The following DNAH5 variants were observed in gnomAD, a reference collection of about 807,000 sequenced individuals.
The protein encoded by DNAH5 is axonemal beta dynein heavy chain 5.
A neutral mutation model predicts 518.2 loss-of-function variants in DNAH5; 372 were observed. The observed-to-expected ratio is 0.72, with a 90% confidence interval of 0.66 to 0.78. The LOEUF (loss-of-function observed/expected upper bound fraction) is 0.78, where lower values mean the gene tolerates loss of function less well. Ranked by LOEUF, DNAH5 falls within the 30% of genes least tolerant of loss-of-function variation. DNAH5 has a pLI of 0.00. For synonymous variants in DNAH5, 2,039 were observed against 2,025.9 expected, an observed-to-expected ratio of 1.01 and a Z score of -0.17; for missense variants, 5,523 against 5,687.0, an observed-to-expected ratio of 0.97 and a Z score of 0.93.
chr5:13,847,270 C>T (rs1316728654), intron 31 of DNAH5, among the ~76,000 whole-genome samples: 1 of 151,664 alleles, frequency 6.6e-6, no homozygotes, highest in African/African-American at 2.4e-5. Context: ...TTGCTTATAA[C>T]CTCTTCTGGG....
intron 55 of DNAH5, among the ~76,000 whole-genome samples, chr5:13,772,078 C>T (rs753506507): frequency 9.9e-5 from 15 of 152,142 alleles, no homozygotes; most frequent in Admixed American, 5.2e-4. Flanking sequence ...CCAACCAGTA[C>T]AAAGAACGGT....
At chr5:13,804,891 C>T (rs1759338310) in intron 47 of DNAH5, among the ~76,000 whole-genome samples, 1 of 152,106 alleles carries the variant, frequency 6.6e-6, no homozygotes, top group South Asian at 2.1e-4. Context: ...GAAACGAGTA[C>T]ATATTTCATG....
chr5:13,867,676 G>C (rs1254116783), intron 25 of DNAH5, 98 bp downstream of exon 25: 1 of 989,794 alleles, frequency 1.0e-6, no homozygotes, highest in East Asian at 2.4e-5. Flanking sequence ...TTCCTAGGAA[G>C]TTTCACAGAA....
chr5:13,927,418 G>A (rs1777999567), intron 3 of DNAH5, among the ~76,000 whole-genome samples: 1 of 152,166 alleles, frequency 6.6e-6, no homozygotes, highest in Admixed American at 6.5e-5. Flanking sequence ...TGAGGCAGGA[G>A]AATTGCTTGA....
At position 13,875,465 on chromosome 5, in the gene DNAH5, CAAAAAAAAA is replaced by C. The variant is rs70964513; in HGVS notation, c.3396+1210_3396+1218del. Among the ~76,000 whole-genome samples, 13 of 106,004 alleles carry C rather than the reference CAAAAAAAAA, an allele frequency of 1.2e-4. No homozygotes were observed. In the South Asian group the frequency reaches 2.8e-3, roughly 23 times the overall value. The allele number at this position is 106,004 out of a possible 152,430, so 69.5% of individuals were successfully genotyped here. ...CTAGGCAGCAAGAGTGAAACTCCTT[CAAAAAAAAA>C]AAAAAAAAAAAAGACACAGAGATAA... On this transcript the variant is annotated intron_variant, in intron 22 of 78. Coordinates refer to ENST00000265104, the MANE Select transcript of DNAH5 (RefSeq NM_001369.3).
upstream of DNAH5, among the ~76,000 whole-genome samples, chr5:13,948,372 T>A (rs562503912): frequency 2.0e-5 from 3 of 152,250 alleles, no homozygotes; most frequent in East Asian, 5.8e-4. Flanking sequence ...TGAAGCCTAG[T>A]TTAATGGACA....
Position 13,820,412 on chromosome 5 carries a change from T to C in DNAH5, c.6775A>G (p.Met2259Val). 2 of 1,613,934 alleles carry C rather than the reference T, an allele frequency of 1.2e-6. No individual in the cohort carries two copies. The highest frequency in any genetic ancestry group is 1.7e-6 in the Non-Finnish European group (2 of 1,180,006). ...CCAGCCCCACTGGGCCCCAGAGTCA[T>C]CATCCCATGTCGCACTCTCTGCGTT... is the stretch of plus-strand genomic sequence containing the variant. ...FETQRVRHGM[M>V]TLGPSGAGKT... is the part of the protein sequence containing the mutation. The change falls in exon 41 of 79, where the codon ATG becomes GTG. Residue 2259 changes from methionine to valine, a missense_variant. Coordinates refer to ENST00000265104, the MANE Select transcript of DNAH5 (RefSeq NM_001369.3).
chr5:14,003,804 C>A (rs891579930), intron 1 of DNAH5, among the ~76,000 whole-genome samples: 5 of 152,252 alleles, frequency 3.3e-5, no homozygotes, highest in African/African-American at 1.2e-4. Context: ...AAGCAGCCCA[C>A]TGCCCTGAGG....
chr5:13,887,563 G>A (rs989282697), intron 17 of DNAH5, among the ~76,000 whole-genome samples: 4 of 152,030 alleles, frequency 2.6e-5, no homozygotes, highest in African/African-American at 9.7e-5. Flanking sequence ...AATCCTGAGT[G>A]GTGTCCTCCT....
chr5:13,691,938 A>C lies in DNAH5; in HGVS notation c.*46T>G, dbSNP rs199643112. 3 of 1,611,814 alleles carry C rather than the reference A, an allele frequency of 1.9e-6. No individual in the cohort carries two copies. The African/African-American group carries it at 4.0e-5, about 21-fold the overall frequency. On this transcript the variant is annotated 3_prime_UTR_variant, in exon 79 of 79. Transcript: ENST00000265104. ...ACAGAAATAAAGGTTACAATAATTT[A>C]GATCTTGCATTTTCCAAAGCATTGG...
At chr5:13,896,994 C>G (rs1773993361) in intron 15 of DNAH5, among the ~76,000 whole-genome samples, 1 of 152,210 alleles carries the variant, frequency 6.6e-6, no homozygotes, top group Non-Finnish European at 1.5e-5. Flanking sequence ...AAAAAATGTC[C>G]CTTTGATAGA....
chr5:13,921,475 T>TCTCTCACACACACA, intron 5 of DNAH5, among the ~76,000 whole-genome samples: 1 of 73,698 alleles, frequency 1.4e-5, no homozygotes, highest in Non-Finnish European at 2.9e-5. Flanking sequence ...TATCTCTCTC[T>TCTCTCACACACACA]CACACACACA....
intron 58 of DNAH5, among the ~76,000 whole-genome samples, chr5:13,767,644 C>T (rs1752695082): frequency 6.6e-6 from 1 of 152,148 alleles, no homozygotes; most frequent in South Asian, 2.1e-4. Flanking sequence ...TTTACTTTAG[C>T]TTTAAAAATA....
intron 1 of DNAH5, among the ~76,000 whole-genome samples, chr5:13,999,821 G>A (rs1410109334): frequency 6.6e-6 from 1 of 152,174 alleles, no homozygotes; most frequent in Non-Finnish European, 1.5e-5. Flanking sequence ...CAGCATGCAA[G>A]GGCTCCAGGA....
Position 13,700,782 on chromosome 5 carries a change from G to C in DNAH5, c.13581C>G (p.Ala4527=). ...AGACATAGACACCCTCTGTGGGAGG[G>C]GCAGAAATGTCGTCCTTCATCCATT... ...VTKWMKDDIS[A]PPTEGVYVYG... Residue 4527 remains alanine, a synonymous_variant, in exon 78 of 79, where the codon GCC becomes GCG. Transcript: ENST00000265104. 6.2e-7 allele frequency: 1 copy of C among 1,614,076 alleles called. No individual in the cohort carries two copies. The highest frequency in any genetic ancestry group is 8.5e-7 in the Non-Finnish European group (1 of 1,179,994).
chr5:13,923,476 T>A (rs768533844), intron 3 of DNAH5, 36 bp from the exon 4 acceptor site: 10 of 1,612,140 alleles, frequency 6.2e-6, no homozygotes, highest in African/African-American at 1.3e-5. Context: ...TCACAAATGC[T>A]TTTTGCAGTC....
chr5:13,814,348 G>T (rs1253313114), intron 43 of DNAH5, among the ~76,000 whole-genome samples: 1 of 152,176 alleles, frequency 6.6e-6, no homozygotes, highest in African/African-American at 2.4e-5. Flanking sequence ...CAACACTGTT[G>T]GTTCATACAG....
chr5:13,743,005 T>C (rs905198396), intron 65 of DNAH5, among the ~76,000 whole-genome samples: 24 of 152,194 alleles, frequency 1.6e-4, no homozygotes, highest in African/African-American at 4.3e-4. Flanking sequence ...ATAGGCATAT[T>C]TTCATTTATA....
chr5:13,813,847 A>T (rs61574570), intron 43 of DNAH5, among the ~76,000 whole-genome samples: 4 of 152,038 alleles, frequency 2.6e-5, no homozygotes, highest in African/African-American at 9.7e-5. Context: ...GTAAATAAAC[A>T]TCTACTTTAT....
Sources: gnomAD v4.1 joint callset for allele counts (sites outside exome capture counted in the v4.1 genomes callset) on GRCh38, gnomAD v4.1.1 for gene constraint, MANE v1.5 for transcripts, NCBI Gene and HGNC (gene_info 2026-07-23, HGNC 2026-07-21) for gene names.